The following GNG4 variants were observed in gnomAD, a reference collection of about 807,000 sequenced individuals.
GNG4 encodes guanine nucleotide-binding protein G(I)/G(S)/G(O) subunit gamma-4.
GNG4 carries 4 observed loss-of-function variants against 5.8 expected under a neutral mutation model. The ratio of observed to expected loss-of-function variants is 0.69; its 90% CI spans 0.34 to 1.57. The LOEUF (loss-of-function observed/expected upper bound fraction) is 1.57, where lower values mean the gene tolerates loss of function less well. Among genes scored for constraint, GNG4 ranks in the 40% most tolerant of loss-of-function variants. The pLI, the probability that GNG4 is intolerant of heterozygous loss-of-function variation, is 0.06. For synonymous variants in GNG4, 29 were observed against 32.9 expected (o/e 0.88, Z 0.41); for missense variants, 96 against 95.1 (o/e 1.01, Z -0.04).
chr1:235,604,553 A>C (rs1187489459), intron 1 of GNG4, among the ~76,000 whole-genome samples: 1 of 152,180 alleles, frequency 6.6e-6, no homozygotes, highest in South Asian at 2.1e-4. Flanking sequence ...ATAACACTTG[A>C]CATTCAATCC....
chr1:235,626,958 CAAAAAAAAAAAAAAAAA>C (rs776506587), intron 1 of GNG4, among the ~76,000 whole-genome samples: 21 of 77,390 alleles, frequency 2.7e-4, no homozygotes, highest in South Asian at 2.5e-3. Context: ...GACTCTATCT[CAAAAAAAAAAAAAAAAA>C]AAAAAAAAAA....
At chr1:235,622,787 G>A (rs951194930) in intron 1 of GNG4, among the ~76,000 whole-genome samples, 2 of 149,644 alleles carry the variant, frequency 1.3e-5, no homozygotes, top group Non-Finnish European at 3.0e-5. Flanking sequence ...CAGAAGAATC[G>A]CTTGAACCTG....
At chr1:235,646,128 C>G (rs983446279) in intron 1 of GNG4, among the ~76,000 whole-genome samples, 1 of 152,172 alleles carries the variant, frequency 6.6e-6, no homozygotes, top group Non-Finnish European at 1.5e-5. Context: ...CTTCCATGGC[C>G]TCAGAGCACA....
chr1:235,616,038 G>A (rs1237173663), intron 1 of GNG4: 7 of 353,446 alleles, frequency 2.0e-5, no homozygotes, highest in Non-Finnish European at 3.3e-5. Context: ...CCAAGGCCTC[G>A]GCACCTGGTG....
rs529113035 is a variant in GNG4 at position 235,576,014 on chromosome 1, C to T, written c.99+7726G>A. On this transcript the variant is annotated intron_variant, in intron 3 of 3. Coordinates refer to ENST00000391854, the MANE Select transcript of GNG4 (RefSeq NM_001098722.2). The stretch of plus-strand genomic sequence containing the variant: ...TCTGCTCAGCTCAGACCTGCCATAA[C>T]CGCTTGTCGGATTTTCTCTATTTAA... Among the ~76,000 whole-genome samples, 34 of 152,092 alleles carry T rather than the reference C, an allele frequency of 2.2e-4. No homozygotes were observed. In the South Asian group the frequency reaches 7.0e-3, roughly 32 times the overall value.
intron 3 of GNG4, among the ~76,000 whole-genome samples, chr1:235,556,556 CAAAAAAA>C (rs35257216): frequency 2.3e-5 from 2 of 87,410 alleles, no homozygotes; most frequent in African/African-American, 4.3e-5. Context: ...GACTCTGTCT[CAAAAAAA>C]AAAAAAAAAA....
At chr1:235,561,884 C>T (rs745863419) in intron 3 of GNG4, among the ~76,000 whole-genome samples, 2 of 152,174 alleles carry the variant, frequency 1.3e-5, no homozygotes, top group Admixed American at 6.5e-5. Flanking sequence ...AACTCTTTGC[C>T]AAACCCAAGG....
chr1:235,590,704 G>C (rs1405063418), intron 2 of GNG4, among the ~76,000 whole-genome samples: 1 of 152,098 alleles, frequency 6.6e-6, no homozygotes, highest in Non-Finnish European at 1.5e-5. Flanking sequence ...TCTCCAAGGG[G>C]CTGCTCTGGC....
At chr1:235,643,456 ACCCC>A (rs1467960861) in intron 1 of GNG4, among the ~76,000 whole-genome samples, 1 of 151,852 alleles carries the variant, frequency 6.6e-6, no homozygotes, top group Non-Finnish European at 1.5e-5. Context: ...TCACACATGC[ACCCC>A]CTCTAGGTTC....
At chr1:235,640,406 A>G (rs983824281) in intron 1 of GNG4, among the ~76,000 whole-genome samples, 1 of 152,220 alleles carries the variant, frequency 6.6e-6, no homozygotes, top group Non-Finnish European at 1.5e-5. Context: ...CCAGGGGATG[A>G]GGCCCAAGAA....
At chr1:235,593,822 T>C (rs12760660) in intron 2 of GNG4, among the ~76,000 whole-genome samples, 56,468 of 151,692 alleles carry the variant, frequency 0.37, 11,281 homozygotes, top group East Asian at 0.79. Context: ...CAGACCTTCG[T>C]GGTGAGTGTT....
rs139508794 is a variant in GNG4 at position 235,567,292 on chromosome 1, C to T, written c.100-15055G>A. On this transcript the variant is annotated intron_variant, in intron 3 of 3. Coordinates refer to ENST00000391854, the MANE Select transcript of GNG4 (RefSeq NM_001098722.2). ...ATACAAATATATGTGTACATATATACACATATATGTGTATTTCTATAAAAC... is the reference window on the plus strand; with the variant it reads ...ATACAAATATATGTGTACATATATATACATATATGTGTATTTCTATAAAAC... Among the ~76,000 whole-genome samples, 13 of 152,190 alleles carry T rather than the reference C, an allele frequency of 8.5e-5. No homozygotes were observed. In the East Asian group the frequency reaches 2.3e-3, roughly 27 times the overall value.
chr1:235,629,473 T>C (rs778070193), intron 1 of GNG4, among the ~76,000 whole-genome samples: 11 of 152,128 alleles, frequency 7.2e-5, no homozygotes, highest in Non-Finnish European at 1.0e-4. Flanking sequence ...CTTCCACTAT[T>C]TTATCTACTT....
chr1:235,647,939 C>T (rs1389447630), intron 1 of GNG4, among the ~76,000 whole-genome samples: 1 of 152,156 alleles, frequency 6.6e-6, no homozygotes, highest in Non-Finnish European at 1.5e-5. Flanking sequence ...GATGTTCTAT[C>T]ATTTCAAAGA....
At chr1:235,593,351 TCTGAC>T (rs1349461255) in intron 2 of GNG4, among the ~76,000 whole-genome samples, 2 of 152,218 alleles carry the variant, frequency 1.3e-5, no homozygotes, top group Non-Finnish European at 2.9e-5. Flanking sequence ...CCCCAGTGCT[TCTGAC>T]CTGACCTGAC....
chr1:235,601,370 G>T (rs1688255226), intron 1 of GNG4, among the ~76,000 whole-genome samples: 1 of 152,192 alleles, frequency 6.6e-6, no homozygotes, highest in South Asian at 2.1e-4. Flanking sequence ...GCCATGGACT[G>T]CTGGAATCAC....
At chr1:235,589,343 C>A (rs1687904135) in intron 2 of GNG4, among the ~76,000 whole-genome samples, 1 of 152,138 alleles carries the variant, frequency 6.6e-6, no homozygotes, top group African/African-American at 2.4e-5. Context: ...AAGCTGCTGA[C>A]CCCGAAGGCA....
rs113761551 is a variant in GNG4, at chr1:235,644,975, C to T, written c.-123+4687G>A. Among the ~76,000 whole-genome samples the T allele has an allele frequency of 0.035, 5,367 of 152,210 alleles. 294 individuals are homozygous for T. The highest frequency in any genetic ancestry group is 0.11 in the African/African-American group (4,753 of 41,522). On this transcript the variant is annotated intron_variant, in intron 1 of 3. Coordinates refer to ENST00000391854, the MANE Select transcript of GNG4 (RefSeq NM_001098722.2). This position sits in a 1 kb window ranked among gnomAD's most constrained non-coding sequence, Gnocchi z 5.9. The stretch of plus-strand genomic sequence containing the variant: ...GCAGACACTCCGTCCACATGGGCCC[C>T]GGGCCGCCAGAGACCCCAGGGCCCA...
intron 1 of GNG4, among the ~76,000 whole-genome samples, chr1:235,597,553 T>C (rs1323536109): frequency 7.0e-6 from 1 of 141,868 alleles, no homozygotes; most frequent in Non-Finnish European, 1.5e-5. Context: ...AGGAATGCTT[T>C]ATGTTTTAGT....
Sources: allele counts gnomAD v4.1 joint callset (sites outside exome capture counted in the v4.1 genomes callset), GRCh38; gene constraint gnomAD v4.1.1; non-coding constraint Gnocchi (gnomAD v3.1); transcripts MANE v1.5; gene names NCBI Gene and HGNC (gene_info 2026-07-23, HGNC 2026-07-21).